The following SLC30A8 variants were observed in gnomAD, a reference collection of about 807,000 sequenced individuals.
SLC30A8 encodes the protein solute carrier family 30 member 8, also known as proton-coupled zinc antiporter SLC30A8.
In SLC30A8, 27 loss-of-function variants were observed where a neutral mutation model predicts 36.9. That is an observed-to-expected ratio of 0.73 (90% CI 0.54 to 1.01). SLC30A8 has a LOEUF of 1.01. Among genes scored for constraint, SLC30A8 ranks in the 50% least tolerant of loss-of-function variants. SLC30A8 has a pLI of 0.00. For synonymous variants in SLC30A8, 164 were observed against 172.4 expected (o/e 0.95, Z 0.38); for missense variants, 439 against 452.0 (o/e 0.97, Z 0.26).
rs4060800 is a variant in SLC30A8, at chr8:117,054,098, C to CTTTTTTTTT, written c.-226+14850_-226+14858dup. ...CATACACTAAATGTACTGCAAAAAT[C>CTTTTTTTTT]TTTTTTTTTTTTTTTTTTGAGACAG... On this transcript the variant is annotated intron_variant, in intron 2 of 10. Coordinates refer to the SLC30A8 transcript ENST00000427715. Among the ~76,000 whole-genome samples, 855 of 124,046 alleles carry CTTTTTTTTT rather than the reference C, an allele frequency of 6.9e-3. 40 individuals are homozygous for CTTTTTTTTT. The highest frequency in any genetic ancestry group is 0.016 in the African/African-American group (499 of 32,058). The allele number at this position is 124,046 out of a possible 152,430, so 81.4% of individuals were successfully genotyped here.
chr8:117,151,504 A>G (rs1389291030), intron 2 of SLC30A8, among the ~76,000 whole-genome samples: 1 of 152,248 alleles, frequency 6.6e-6, no homozygotes, highest in East Asian at 1.9e-4. Flanking sequence ...GGCTCTTATA[A>G]GTAGCTCTGA....
intron 2 of SLC30A8, among the ~76,000 whole-genome samples, chr8:117,148,482 T>A (rs1822007748): frequency 6.6e-6 from 1 of 152,156 alleles, no homozygotes; most frequent in African/African-American, 2.4e-5. Flanking sequence ...ATAATATCTG[T>A]TATTTCCTAC....
chr8:116,967,574 T>C (rs1373553954), intron 1 of SLC30A8, among the ~76,000 whole-genome samples: 2 of 152,238 alleles, frequency 1.3e-5, no homozygotes, highest in African/African-American at 2.4e-5. Context: ...CATGTAATAC[T>C]GTGTCTTTCA....
intron 1 of SLC30A8, among the ~76,000 whole-genome samples, chr8:116,983,864 T>TG (rs1815355738): frequency 6.6e-6 from 1 of 152,044 alleles, no homozygotes; most frequent in African/African-American, 2.4e-5. Context: ...TCATTTGTGT[T>TG]TGTGTGTGTG....
At chr8:117,044,183 T>C (rs1817475903) in intron 2 of SLC30A8, among the ~76,000 whole-genome samples, 1 of 152,088 alleles carries the variant, frequency 6.6e-6, no homozygotes, top group African/African-American at 2.4e-5. Context: ...TGGGGTAAAG[T>C]GTTCAGGCAG....
At chr8:117,063,334 C>T (rs145840481) in intron 2 of SLC30A8, among the ~76,000 whole-genome samples, 1 of 152,126 alleles carries the variant, frequency 6.6e-6, no homozygotes, top group Non-Finnish European at 1.5e-5. Flanking sequence ...GAGGGCTCCC[C>T]TCTGGTGTCC....
chr8:117,084,390 T>C (rs989726154), intron 2 of SLC30A8, among the ~76,000 whole-genome samples: 3 of 152,160 alleles, frequency 2.0e-5, no homozygotes, highest in Non-Finnish European at 4.4e-5. Flanking sequence ...TGGGACATTA[T>C]GACTTTATGT....
intron 1 of SLC30A8, among the ~76,000 whole-genome samples, chr8:116,968,467 T>C (rs1369281025): frequency 6.6e-6 from 1 of 151,592 alleles, no homozygotes; most frequent in Non-Finnish European, 1.5e-5. Context: ...GGGGACTGTT[T>C]TATTCATGGC....
intron 1 of SLC30A8, among the ~76,000 whole-genome samples, chr8:116,989,791 T>G (rs1339563553): frequency 6.6e-6 from 1 of 152,222 alleles, no homozygotes; most frequent in Non-Finnish European, 1.5e-5. Flanking sequence ...CACCTGGAAA[T>G]GTATCATGGG....
At chr8:116,964,904 C>T (rs1437036822) in intron 1 of SLC30A8, among the ~76,000 whole-genome samples, 3 of 152,116 alleles carry the variant, frequency 2.0e-5, no homozygotes, top group Non-Finnish European at 4.4e-5. Context: ...TATTTCAGAT[C>T]CTTACAACAA....
chr8:117,104,084 A>G (rs57413872), intron 2 of SLC30A8, among the ~76,000 whole-genome samples: 4,456 of 152,234 alleles, frequency 0.029, 145 homozygotes, highest in African/African-American at 0.085. Flanking sequence ...GATTGAATGC[A>G]TAAGTCATAT....
chr8:116,969,004 G>C (rs1212354132), intron 1 of SLC30A8, among the ~76,000 whole-genome samples: 1 of 151,968 alleles, frequency 6.6e-6, no homozygotes, highest in African/African-American at 2.4e-5. Flanking sequence ...CAAAGTACTG[G>C]GATTAAAGCA....
chr8:117,095,931 TTTGGGTAAGA>T (rs538742786), intron 2 of SLC30A8, among the ~76,000 whole-genome samples: 35 of 152,162 alleles, frequency 2.3e-4, no homozygotes, highest in African/African-American at 8.4e-4. Context: ...TCACACCCAG[TTTGGGTAAGA>T]GTTCAGGGAA....
At chr8:117,154,453 T>C (rs1822369956) in intron 3 of SLC30A8, among the ~76,000 whole-genome samples, 1 of 152,348 alleles carries the variant, frequency 6.6e-6, no homozygotes, top group African/African-American at 2.4e-5. Context: ...CTGAAAGGGC[T>C]GCTAGACACA....
chr8:117,036,711 C>G (rs544640208), intron 1 of SLC30A8, among the ~76,000 whole-genome samples: 2 of 152,234 alleles, frequency 1.3e-5, no homozygotes, highest in East Asian at 3.9e-4. Context: ...TGGGGGAAAC[C>G]ACCCCCATGA....
chr8:117,146,793 T>C, intron 1 of SLC30A8, 161 bp from the exon 2 acceptor site: 1 of 1,424,220 alleles, frequency 7.0e-7, no homozygotes, highest in Non-Finnish European at 9.2e-7. Context: ...TCTAGCTTGT[T>C]TCTAACACTT....
Position 117,144,338 on chromosome 8 carries a change from T to G in SLC30A8, c.72-2616T>G, listed in dbSNP as rs543952848. 8.9e-4 allele frequency among the ~76,000 whole-genome samples: 135 copies of G among 152,346 alleles called. 1 individual carries two copies. The highest frequency in any genetic ancestry group is 1.0e-3 in the Non-Finnish European group (70 of 68,032). ...GAACTACTCAAAATCCTGAGTGCTA[T>G]TCACATAACTGATAAAAAACCAATG... On this transcript the variant is annotated intron_variant, in intron 1 of 7. Coordinates refer to ENST00000456015, the MANE Select transcript of SLC30A8 (RefSeq NM_173851.3).
chr8:116,968,677 T>A (rs1054887014), intron 1 of SLC30A8, among the ~76,000 whole-genome samples: 5 of 151,774 alleles, frequency 3.3e-5, no homozygotes, highest in African/African-American at 4.8e-5. Context: ...TCCATTCTCT[T>A]ATAGGAAAGA....
intron 2 of SLC30A8, among the ~76,000 whole-genome samples, chr8:117,148,932 A>G (rs936483681): frequency 1.3e-5 from 2 of 152,176 alleles, no homozygotes; most frequent in African/African-American, 2.4e-5. Context: ...AATTCTAAAT[A>G]TATTTCAGTG....
Sources: allele counts gnomAD v4.1 joint callset (sites outside exome capture counted in the v4.1 genomes callset), GRCh38; gene constraint gnomAD v4.1.1; transcripts MANE v1.5; gene names NCBI Gene and HGNC (gene_info 2026-07-23, HGNC 2026-07-21).